PLA2G4B: variants seen among roughly 807,000 people sequenced by gnomAD.
The protein encoded by PLA2G4B is phospholipase A2 group IVB.
A neutral mutation model predicts 95.8 loss-of-function variants in PLA2G4B; 122 were observed. The observed-to-expected ratio is 1.27, with a 90% confidence interval of 1.10 to 1.48. PLA2G4B has a LOEUF of 1.48. PLA2G4B is among the 40% of genes most tolerant of loss of function. The probability of loss-of-function intolerance (pLI) is 0.00; values close to 1 mark genes in which losing one functional copy is unlikely to be tolerated. For synonymous variants in PLA2G4B, 518 were observed against 421.5 expected, an observed-to-expected ratio of 1.23 and a Z score of -2.80; for missense variants, 1,158 against 996.2, an observed-to-expected ratio of 1.16 and a Z score of -2.19.
At position 41,841,047 on chromosome 15, in the gene PLA2G4B, C is replaced by A. The variant is rs1454288569; in HGVS notation, c.352-8C>A. On this transcript the variant is annotated splice_region_variant and splice_polypyrimidine_tract_variant and intron_variant, in intron 4 of 19. Coordinates refer to ENST00000458483, the MANE Select transcript of PLA2G4B (RefSeq NM_001114633.2). ...CCCTTTCTAACTTACTTCTGGCTCT[C>A]TTCCCAGGGTGAGGGGCGCCTGGAA... 5.1e-6 allele frequency: 8 copies of A among 1,575,028 alleles called. No individual in the cohort carries two copies. In the Admixed American group the frequency reaches 5.3e-5, roughly 10 times the overall value.
Position 41,845,731 on chromosome 15 carries a change from A to C in PLA2G4B, c.1451A>C (p.Gln484Pro). The change falls in exon 15 of 20, where the codon CAG becomes CCG. Residue 484 changes from glutamine (Q) to proline (P), a missense_variant. By Grantham distance (76) the Gln-to-Pro change is moderately conservative. Coordinates refer to ENST00000458483, the MANE Select transcript of PLA2G4B (RefSeq NM_001114633.2). ...ELFGSEFFMGQLMKRLPESRI... is the reference protein window; with the variant it reads ...ELFGSEFFMGPLMKRLPESRI... ...TTTGGCTCCGAGTTCTTTATGGGGC[A>C]GCTGATGAAGAGGCTTCCTGAGTCC... The C allele has an allele frequency of 6.2e-7, 1 of 1,611,930 alleles. No homozygotes were observed. The highest frequency in any genetic ancestry group is 1.3e-5 in the African/African-American group (1 of 74,890).
chr15:41,847,362 G>A lies in PLA2G4B; in HGVS notation c.1973G>A (p.Cys658Tyr). 2 of 1,608,054 alleles carry A rather than the reference G, an allele frequency of 1.2e-6. No homozygotes were observed. Among genetic ancestry groups the A allele is most frequent in the Non-Finnish European group, 1.7e-6 (2 of 1,177,336 alleles). The change falls in exon 19 of 20, where the codon TGC becomes TAC. Residue 658 changes from cysteine to tyrosine, a missense_variant. Cys to Tyr is a radical substitution (Grantham distance 194). Coordinates refer to ENST00000458483, the MANE Select transcript of PLA2G4B (RefSeq NM_001114633.2). ...FQQLQLLGRF[C>Y]QEQGIPFPPI... ...CAGTTGCAGCTCCTGGGCCGGTTCT[G>A]CCAGGAGCAGGGGATCCCGTTCCCA...
chr15:41,844,477 G>A lies in PLA2G4B; in HGVS notation c.886G>A (p.Val296Met). The A allele has an allele frequency of 1.2e-6, 2 of 1,614,182 alleles. No homozygotes were observed. Among genetic ancestry groups the A allele is most frequent in the East Asian group, 2.2e-5 (1 of 44,882 alleles). The change falls in exon 12 of 20, where the codon GTG (valine) becomes ATG (methionine). Residue 296 changes from valine (V) to methionine (M), a missense_variant. Transcript: ENST00000458483. ...TGGCTCTCTTCTTTTCCAGATCCCA[G>A]TGGTAGCTATTATGGCCACTGGTGG... is the stretch of plus-strand genomic sequence containing the variant. ...DGDLQEDEIPVVAIMATGGGI... is the reference protein window; with the variant it reads ...DGDLQEDEIPMVAIMATGGGI...
chr15:41,845,199 C>G lies in PLA2G4B; in HGVS notation c.1240-4C>G. On this transcript the variant is annotated splice_region_variant and splice_polypyrimidine_tract_variant and intron_variant, in intron 13 of 19. Transcript: ENST00000458483. ...GGGTTTAGGTTCTACGCATCTTTCC[C>G]CAGCCCCATGATCACAAGCTCTCAG... 6.2e-7 allele frequency: 1 copy of G among 1,614,132 alleles called. No homozygotes were observed. The highest frequency in any genetic ancestry group is 1.1e-5 in the South Asian group (1 of 91,064).
At chr15:41,843,352 G>A (rs969110030) in intron 10 of PLA2G4B, 2 of 252,908 alleles carry the variant, frequency 7.9e-6, no homozygotes, top group South Asian at 2.2e-4. Flanking sequence ...TGAACTCCGT[G>A]GGTAAGGGAC....
intron 10 of PLA2G4B, chr15:41,843,349 C>T (rs547777159): frequency 2.1e-4 from 50 of 242,104 alleles, no homozygotes; most frequent in Admixed American, 1.8e-3. Flanking sequence ...CTTTGAACTC[C>T]GTGGGTAAGG....
intron 10 of PLA2G4B, 47 bp from the exon 11 acceptor site, chr15:41,843,629 T>A: frequency 6.3e-7 from 1 of 1,592,022 alleles, no homozygotes. Context: ...TTCCATTCTC[T>A]GGGGAGGGTT....
rs1489582444 is a variant in PLA2G4B, at chr15:41,840,241, A to C, written c.82+11A>C. On this transcript the variant is annotated intron_variant, in intron 2 of 19. Coordinates refer to ENST00000458483, the MANE Select transcript of PLA2G4B (RefSeq NM_001114633.2). ...CCTCTAAGGACCTAGGTGAGTGCGC[A>C]CCGCCCTGGCCCCTGTGCTGGGCTG... 2 of 1,612,506 alleles carry C rather than the reference A, an allele frequency of 1.2e-6. No homozygotes were observed. The highest frequency in any genetic ancestry group is 2.2e-5 in the South Asian group (2 of 91,056).
At chr15:41,842,325 C>T (rs1648833) in intron 9 of PLA2G4B, 49 bp downstream of exon 9, 1,281,022 of 1,608,608 alleles carry the variant, frequency 0.8, 512,612 homozygotes, top group East Asian at 0.88. Flanking sequence ...GGGGCTGGGA[C>T]CCAGGCCACA....
In PLA2G4B at chr15:41,844,898, C is replaced by A; in HGVS notation, c.1067C>A (p.Ala356Glu). 1 of 1,611,676 alleles carries A rather than the reference C, an allele frequency of 6.2e-7. No homozygotes were observed. Residue 356 changes from alanine to glutamate, a missense_variant, in exon 13 of 20, where the codon GCA becomes GAA. Transcript: ENST00000458483. ...CCAGAGTGGTCTCAGAAGGACCTGG[C>A]AGGGCCCACTGAGTTGCTGAAGACC... ...EDPEWSQKDLAGPTELLKTQV... is the reference protein window; with the variant it reads ...EDPEWSQKDLEGPTELLKTQV...
intron 19 of PLA2G4B, 56 bp from the exon 20 acceptor site, chr15:41,847,593 C>A (rs2065590828): frequency 1.2e-6 from 2 of 1,611,802 alleles, no homozygotes; most frequent in East Asian, 2.2e-5. Context: ...CTGTGCCTCT[C>A]CAAACCTGTC....
chr15:41,843,456 G>A (rs979219786), intron 10 of PLA2G4B, among the ~76,000 whole-genome samples: 4 of 152,202 alleles, frequency 2.6e-5, no homozygotes, highest in African/African-American at 9.7e-5. Context: ...TTTCGGCCAC[G>A]GCATTCTGGG....
chr15:41,845,328 G>A lies in PLA2G4B; in HGVS notation c.1357+8G>A, dbSNP rs748230770. 1.9e-6 allele frequency: 3 copies of A among 1,613,342 alleles called. No homozygotes were observed. In the South Asian group the frequency reaches 3.3e-5, roughly 18 times the overall value. On this transcript the variant is annotated splice_region_variant and intron_variant, in intron 14 of 19. Transcript: ENST00000458483. ...CCACTTTTGAATTTGGGGGTGAGTG[G>A]CCCAAGAGCTGAGACCTGTGCCCTT...
At chr15:41,840,954 C>T in intron 4 of PLA2G4B, 49 bp downstream of exon 4, 2 of 1,598,718 alleles carry the variant, frequency 1.3e-6, no homozygotes, top group Non-Finnish European at 1.7e-6. Flanking sequence ...GGGTTGAAAT[C>T]TCCACGCGCA....
intron 9 of PLA2G4B, 99 bp downstream of exon 9, chr15:41,842,375 C>A: frequency 6.4e-7 from 1 of 1,565,818 alleles, no homozygotes; most frequent in Non-Finnish European, 8.7e-7. Context: ...TGGGTCACAC[C>A]CTGAGCAGGT....
chr15:41,847,949 C>G lies in PLA2G4B; in HGVS notation c.*89C>G, dbSNP rs2065608926. On this transcript the variant is annotated 3_prime_UTR_variant, in exon 20 of 20. Coordinates refer to ENST00000458483, the MANE Select transcript of PLA2G4B (RefSeq NM_001114633.2). ...ACTGTCATCACGCAGTGCTTCAGAG[C>G]CTCGGGCTCAGGTGGCACGGTCCCA... 1 of 1,487,680 alleles carries G rather than the reference C, an allele frequency of 6.7e-7. No homozygotes were observed. The highest frequency in any genetic ancestry group is 9.0e-7 in the Non-Finnish European group (1 of 1,115,154). 92.2% of individuals were successfully genotyped at this position (1,487,680 alleles called of 1,614,324 possible).
At position 41,847,326 on chromosome 15, in the gene PLA2G4B, C is replaced by T. The variant is rs2065580522; in HGVS notation, c.1948-11C>T. 1 of 1,587,594 alleles carries T rather than the reference C, an allele frequency of 6.3e-7. No individual in the cohort carries two copies. The highest frequency in any genetic ancestry group is 1.3e-5 in the African/African-American group (1 of 74,466). ...CCTGTCCCTCTGAAGCCCCTTCTGCCTGCCCTGCAGCAGTTGCAGCTCCTG... is the reference window on the plus strand; with the variant it reads ...CCTGTCCCTCTGAAGCCCCTTCTGCTTGCCCTGCAGCAGTTGCAGCTCCTG... On this transcript the variant is annotated splice_polypyrimidine_tract_variant and intron_variant, in intron 18 of 19. Coordinates refer to ENST00000458483, the MANE Select transcript of PLA2G4B (RefSeq NM_001114633.2).
Position 41,848,003 on chromosome 15 carries a change from T to G in PLA2G4B, c.*143T>G. On this transcript the variant is annotated 3_prime_UTR_variant, in exon 20 of 20. Transcript: ENST00000458483. The stretch of plus-strand genomic sequence containing the variant: ...TCCAGGCTGAGGGCTGGGAGCTCCC[T>G]TGCGCCTCAGCAGTTTGCAGTGGGG... 3 of 1,176,064 alleles carry G rather than the reference T, an allele frequency of 2.6e-6. No homozygotes were observed. The highest frequency in any genetic ancestry group is 3.5e-6 in the Non-Finnish European group (3 of 855,816). The allele number at this position is 1,176,064 out of a possible 1,614,324, so 72.9% of individuals were successfully genotyped here.
chr15:41,844,575 C>T lies in PLA2G4B; in HGVS notation c.984C>T (p.Val328=), dbSNP rs574113359. 1.8e-5 allele frequency: 29 copies of T among 1,614,166 alleles called. No homozygotes were observed. The African/African-American group carries it at 2.1e-4, about 12-fold the overall frequency. ...AGGAGCTGGGCCTCTTGGATTGCGT[C>T]TCCTACATCACCGGGGCCTCGGGCT... ...GLKELGLLDC[V]SYITGASGST... Residue 328 remains valine, a synonymous_variant, in exon 12 of 20, where the codon GTC becomes GTT. Transcript: ENST00000458483.
Sources: allele counts gnomAD v4.1 joint callset (sites outside exome capture counted in the v4.1 genomes callset), GRCh38; gene constraint gnomAD v4.1.1; transcripts MANE v1.5; gene names NCBI Gene and HGNC (gene_info 2026-07-23, HGNC 2026-07-21).